DCC: variants seen among roughly 807,000 people sequenced by gnomAD.
The protein encoded by DCC is netrin receptor DCC.
In DCC, 58 loss-of-function variants were observed where a neutral mutation model predicts 172.5. The observed-to-expected ratio is 0.34, with a 90% CI of 0.27 to 0.42. DCC has a LOEUF of 0.42. DCC is among the 10% of genes least tolerant of loss of function. DCC has a pLI of 1.00. For synonymous variants in DCC, 709 were observed against 644.5 expected, an observed-to-expected ratio of 1.10 and a Z score of -1.52; for missense variants, 1,740 against 1,791.0, an observed-to-expected ratio of 0.97 and a Z score of 0.51.
rs180967475 is a variant in DCC, at chr18:53,029,733, T to G, written c.986-33572T>G. Reference sequence around the variant, plus strand: ...CTATCCTATCATTTTGAGGGGCTATTCAGCCTATGCCCCTCCTCCACTTAC... The same window carrying G: ...CTATCCTATCATTTTGAGGGGCTATGCAGCCTATGCCCCTCCTCCACTTAC... On this transcript the variant is annotated intron_variant, in intron 5 of 28. Transcript: ENST00000442544. Among the ~76,000 whole-genome samples the G allele has an allele frequency of 1.2e-3, 187 of 152,276 alleles. 1 individual carries two copies. Among genetic ancestry groups the G allele is most frequent in the African/African-American group, 4.1e-3 (171 of 41,572 alleles).
intron 1 of DCC, among the ~76,000 whole-genome samples, chr18:52,660,860 C>T (rs2035345215): frequency 6.6e-6 from 1 of 152,088 alleles, no homozygotes; most frequent in South Asian, 2.1e-4. Context: ...CCTATCATGC[C>T]AGCACTTCTA....
At chr18:53,465,953 A>T (rs1405168956) in intron 24 of DCC, among the ~76,000 whole-genome samples, 1 of 151,870 alleles carries the variant, frequency 6.6e-6, no homozygotes, top group Non-Finnish European at 1.5e-5. Flanking sequence ...TTTAGTAGAG[A>T]CAGGGTTTCA....
At chr18:53,455,678 T>C (rs911653076) in intron 23 of DCC, among the ~76,000 whole-genome samples, 1 of 152,198 alleles carries the variant, frequency 6.6e-6, no homozygotes, top group African/African-American at 2.4e-5. Context: ...AAGCTAAAAA[T>C]CTTTTTGCAA....
chr18:53,384,995 C>A (rs1034453910), intron 15 of DCC, among the ~76,000 whole-genome samples: 1 of 150,232 alleles, frequency 6.7e-6, no homozygotes, highest in Non-Finnish European at 1.5e-5. Flanking sequence ...CTCGGGCACC[C>A]GCCACAGTGC....
intron 2 of DCC, among the ~76,000 whole-genome samples, chr18:52,889,126 C>A (rs372762545): frequency 6.6e-6 from 1 of 151,830 alleles, no homozygotes; most frequent in African/African-American, 2.4e-5. Context: ...ATGTGGAGAA[C>A]CTCTAATATA....
chr18:52,934,369 T>A (rs2040351852), intron 5 of DCC, among the ~76,000 whole-genome samples: 1 of 152,112 alleles, frequency 6.6e-6, no homozygotes, highest in African/African-American at 2.4e-5. Flanking sequence ...TGTATTTCAC[T>A]TTTTTCTGTG....
chr18:53,015,577 A>C (rs942305811), intron 5 of DCC, among the ~76,000 whole-genome samples: 2 of 152,146 alleles, frequency 1.3e-5, no homozygotes, highest in Non-Finnish European at 2.9e-5. Context: ...TTCTACCATA[A>C]GGAAATCTCT....
rs118112087 is a variant in DCC at position 52,510,850 on chromosome 18, G to A, written c.91+169972G>A. Among the ~76,000 whole-genome samples the A allele has an allele frequency of 3.2e-3, 494 of 152,188 alleles. 6 individuals are homozygous for A. In the East Asian group the frequency reaches 0.033, roughly 10 times the overall value. On this transcript the variant is annotated intron_variant, in intron 1 of 28. Transcript: ENST00000442544. ...CACCTATTGTATGTTTCTGTATGGT[G>A]AACTCAGCTCCTCTCTTAAATGATC...
intron 1 of DCC, among the ~76,000 whole-genome samples, chr18:52,637,882 A>G (rs1313260336): frequency 6.6e-6 from 1 of 152,216 alleles, no homozygotes; most frequent in Non-Finnish European, 1.5e-5. Flanking sequence ...ATCCAAAGTT[A>G]AGATGAAGGA....
chr18:52,593,668 T>C (rs1270252235), intron 1 of DCC, among the ~76,000 whole-genome samples: 1 of 152,164 alleles, frequency 6.6e-6, no homozygotes, highest in Non-Finnish European at 1.5e-5. Flanking sequence ...CTCACGACAA[T>C]CGATATTTGG....
At chr18:52,411,949 C>T (rs1986858085) in intron 1 of DCC, among the ~76,000 whole-genome samples, 1 of 151,990 alleles carries the variant, frequency 6.6e-6, no homozygotes, top group African/African-American at 2.4e-5. Context: ...GTTCAAAGTG[C>T]CTCATTAGCT....
intron 13 of DCC, among the ~76,000 whole-genome samples, chr18:53,319,802 A>G (rs1033007221): frequency 6.6e-5 from 10 of 152,216 alleles, no homozygotes; most frequent in Admixed American, 6.5e-5. Context: ...TTTTATCTGA[A>G]TGAATCTGGG....
chr18:52,562,144 G>A (rs1304443948), intron 1 of DCC, among the ~76,000 whole-genome samples: 1 of 152,156 alleles, frequency 6.6e-6, no homozygotes, highest in East Asian at 1.9e-4. Flanking sequence ...ATGGGATGGT[G>A]TTGAGCACAA....
intron 1 of DCC, among the ~76,000 whole-genome samples, chr18:52,618,860 A>G (rs2034430905): frequency 6.6e-6 from 1 of 152,196 alleles, no homozygotes; most frequent in South Asian, 2.1e-4. Context: ...TGCTGTCAAG[A>G]CAAGATTCTC....
intron 2 of DCC, among the ~76,000 whole-genome samples, chr18:52,767,283 C>G (rs1267611962): frequency 6.6e-6 from 1 of 152,070 alleles, no homozygotes; most frequent in Non-Finnish European, 1.5e-5. Context: ...TGAAACACAT[C>G]TCTTTAACCT....
chr18:52,834,793 A>G (rs1166080743), intron 2 of DCC, among the ~76,000 whole-genome samples: 2 of 152,190 alleles, frequency 1.3e-5, no homozygotes, highest in Admixed American at 6.5e-5. Flanking sequence ...TGAGTAATTT[A>G]TAATTATCCA....
chr18:52,351,432 A>ATT (rs11411509), intron 1 of DCC, among the ~76,000 whole-genome samples: 5 of 151,888 alleles, frequency 3.3e-5, no homozygotes, highest in Non-Finnish European at 7.4e-5. Flanking sequence ...CTTTTCCTTG[A>ATT]TTTTTTTATT....
chr18:52,799,435 G>C (rs1277140553), intron 2 of DCC, among the ~76,000 whole-genome samples: 1 of 152,138 alleles, frequency 6.6e-6, no homozygotes, highest in Non-Finnish European at 1.5e-5. Context: ...GCATGAAAAT[G>C]AGAAGGTGAA....
At chr18:53,247,354 T>C (rs1474717023) in intron 12 of DCC, among the ~76,000 whole-genome samples, 1 of 151,988 alleles carries the variant, frequency 6.6e-6, no homozygotes. Context: ...TGTTTAGACA[T>C]CCCATAAAAT....
Sources: gnomAD v4.1 joint callset for allele counts (sites outside exome capture counted in the v4.1 genomes callset) on GRCh38, gnomAD v4.1.1 for gene constraint, MANE v1.5 for transcripts, NCBI Gene and HGNC (gene_info 2026-07-23, HGNC 2026-07-21) for gene names.